SOX6: variants seen among roughly 807,000 people sequenced by gnomAD.
SOX6 encodes transcription factor SOX-6.
Under a neutral mutation model 97.8 loss-of-function variants are expected in SOX6, and 11 were observed. That is an observed-to-expected ratio of 0.11 (90% CI 0.07 to 0.19). The LOEUF is 0.19. Among genes scored for constraint, SOX6 ranks in the 10% least tolerant of loss-of-function variants. The pLI is 1.00. For synonymous variants in SOX6, 360 were observed against 371.4 expected, an observed-to-expected ratio of 0.97 and a Z score of 0.35; for missense variants, 810 against 1,039.5, an observed-to-expected ratio of 0.78 and a Z score of 3.04.
chr11:16,008,784 G>A (rs1439378838), intron 13 of SOX6, among the ~76,000 whole-genome samples: 1 of 152,006 alleles, frequency 6.6e-6, no homozygotes, highest in Non-Finnish European at 1.5e-5. Flanking sequence ...TGGTGCACAG[G>A]ATCCTCTAAA....
At chr11:16,377,588 C>T (rs1857677214) in intron 1 of SOX6, among the ~76,000 whole-genome samples, 1 of 152,058 alleles carries the variant, frequency 6.6e-6, no homozygotes, top group South Asian at 2.1e-4. Context: ...AAAAAACATC[C>T]ACTTGAAGAC....
chr11:16,459,004 A>G (rs1488977532), intron 1 of SOX6, among the ~76,000 whole-genome samples: 1 of 152,082 alleles, frequency 6.6e-6, no homozygotes, highest in Non-Finnish European at 1.5e-5. Context: ...ATATGCAGAG[A>G]GTCTGACAAA....
At chr11:16,438,938 C>T (rs1478947036) in intron 1 of SOX6, among the ~76,000 whole-genome samples, 1 of 152,096 alleles carries the variant, frequency 6.6e-6, no homozygotes, top group Non-Finnish European at 1.5e-5. Flanking sequence ...TACAGGAGAG[C>T]ATGTAGGTGA....
At chr11:16,301,192 A>G (rs577788412) in intron 3 of SOX6, among the ~76,000 whole-genome samples, 2 of 152,226 alleles carry the variant, frequency 1.3e-5, no homozygotes, top group Non-Finnish European at 2.9e-5. Flanking sequence ...TGAGAAGGTA[A>G]TATCTATTAC....
At chr11:16,077,101 A>T (rs1848374214) in intron 9 of SOX6, among the ~76,000 whole-genome samples, 1 of 152,168 alleles carries the variant, frequency 6.6e-6, no homozygotes, top group South Asian at 2.1e-4. Flanking sequence ...CTCACTCACT[A>T]TTATGAGAAC....
chr11:16,718,011 A>C (rs1848231278), intron 2 of SOX6, among the ~76,000 whole-genome samples: 1 of 150,300 alleles, frequency 6.7e-6, no homozygotes, highest in Non-Finnish European at 1.5e-5. Context: ...GGAAAGTTCT[A>C]AGAAAAGCTT....
intron 3 of SOX6, among the ~76,000 whole-genome samples, chr11:16,645,113 G>T (rs570904614): frequency 6.6e-6 from 1 of 152,090 alleles, no homozygotes; most frequent in Non-Finnish European, 1.5e-5. Flanking sequence ...ATATTCATTC[G>T]TCATCCTTAC....
intron 4 of SOX6, among the ~76,000 whole-genome samples, chr11:16,531,909 T>A (rs1299136388): frequency 6.6e-6 from 1 of 151,948 alleles, no homozygotes; most frequent in Non-Finnish European, 1.5e-5. Flanking sequence ...CCTCATGACA[T>A]CCAATATTTC....
At chr11:16,659,842 TGTGA>T (rs1847752499) in intron 3 of SOX6, among the ~76,000 whole-genome samples, 1 of 152,210 alleles carries the variant, frequency 6.6e-6, no homozygotes, top group South Asian at 2.1e-4. Context: ...TTGCTCCTTG[TGTGA>T]GTTTTAGTAG....
chr11:16,641,171 A>T (rs1017265788), intron 3 of SOX6, among the ~76,000 whole-genome samples: 3 of 152,200 alleles, frequency 2.0e-5, no homozygotes, highest in Non-Finnish European at 4.4e-5. Context: ...TTATGTACCC[A>T]GTAGTCATTC....
chr11:16,289,062 A>G (rs1854832689), intron 3 of SOX6, among the ~76,000 whole-genome samples: 1 of 152,092 alleles, frequency 6.6e-6, no homozygotes, highest in Admixed American at 6.6e-5. Flanking sequence ...TGAGAAAAAA[A>G]TTAAGTAATG....
intron 7 of SOX6, among the ~76,000 whole-genome samples, chr11:16,102,211 G>T (rs4506613): frequency 0.13 from 20,078 of 151,584 alleles, 2,920 homozygotes; most frequent in East Asian, 0.37. Context: ...TGTACACAAC[G>T]TAGTGGCTCT....
intron 3 of SOX6, among the ~76,000 whole-genome samples, chr11:16,684,707 G>A (rs1044393253): frequency 6.6e-6 from 1 of 151,722 alleles, no homozygotes; most frequent in Non-Finnish European, 1.5e-5. Flanking sequence ...TTCTGCACAT[G>A]TACCCTAGAA....
Position 16,362,736 on chromosome 11 carries a change from A to G in SOX6, c.-4-21484T>C, listed in dbSNP as rs910637853. 4.3e-4 allele frequency among the ~76,000 whole-genome samples: 65 copies of G among 152,140 alleles called. 1 individual carries two copies. The highest frequency in any genetic ancestry group is 7.4e-5 in the Non-Finnish European group (5 of 68,018). ...AGAATTCCGTGCCACAGAGTAAATA[A>G]AAACGCCTGCTTCAGAATTGTAAAA... On this transcript the variant is annotated intron_variant, in intron 1 of 15. Transcript: ENST00000396356.
At chr11:16,310,885 T>C (rs1855580263) in intron 3 of SOX6, among the ~76,000 whole-genome samples, 1 of 152,108 alleles carries the variant, frequency 6.6e-6, no homozygotes, top group Non-Finnish European at 1.5e-5. Flanking sequence ...TTAAAAATTA[T>C]TGTGATGTTC....
intron 1 of SOX6, among the ~76,000 whole-genome samples, chr11:16,368,705 C>A (rs1007235104): frequency 2.0e-5 from 3 of 151,820 alleles, no homozygotes; most frequent in Non-Finnish European, 4.4e-5. Flanking sequence ...AAATATGACA[C>A]AAGCAACAAA....
chr11:16,636,915 T>C (rs542954361), intron 3 of SOX6, among the ~76,000 whole-genome samples: 1 of 152,318 alleles, frequency 6.6e-6, no homozygotes, highest in Admixed American at 6.5e-5. Context: ...CACAGAACTT[T>C]GAGTCAATTA....
intron 4 of SOX6, among the ~76,000 whole-genome samples, chr11:16,554,756 AAGG>A (rs1233327523): frequency 1.3e-5 from 2 of 152,086 alleles, no homozygotes; most frequent in Non-Finnish European, 2.9e-5. Flanking sequence ...ATCTTTCGAG[AAGG>A]AGGTCAGTCT....
At chr11:16,498,978 C>A (rs1273767221) in intron 4 of SOX6, among the ~76,000 whole-genome samples, 2 of 152,214 alleles carry the variant, frequency 1.3e-5, no homozygotes, top group African/African-American at 2.4e-5. Flanking sequence ...ATCTACAGAA[C>A]TCTCCACCCC....
Sources: gnomAD v4.1 joint callset for allele counts (sites outside exome capture counted in the v4.1 genomes callset) on GRCh38, gnomAD v4.1.1 for gene constraint, MANE v1.5 for transcripts, NCBI Gene and HGNC (gene_info 2026-07-23, HGNC 2026-07-21) for gene names.